The following FABP12 variants were observed in gnomAD, a reference collection of about 807,000 sequenced individuals.
FABP12 encodes the protein fatty acid binding protein 12, also known as fatty acid-binding protein 12.
FABP12 carries 19 observed loss-of-function variants against 13.7 expected under a neutral mutation model. That is an observed-to-expected ratio of 1.39 (90% confidence interval 0.97 to 2.04). FABP12 has a LOEUF of 2.04. FABP12 is among the 30% of genes most tolerant of loss of function. The pLI is 0.00. For synonymous variants in FABP12, 61 were observed against 57.0 expected, an observed-to-expected ratio of 1.07 and a Z score of -0.32; for missense variants, 182 against 164.2, an observed-to-expected ratio of 1.11 and a Z score of -0.59.
chr8:81,577,686 G>C (rs1050594952), intron 1 of FABP12, among the ~76,000 whole-genome samples: 1 of 152,156 alleles, frequency 6.6e-6, no homozygotes, highest in South Asian at 2.1e-4. Context: ...GCTTGAACCC[G>C]GGAGGTGGAG....
chr8:81,545,554 A>G (rs1169427288), intron 1 of FABP12, among the ~76,000 whole-genome samples: 1 of 152,214 alleles, frequency 6.6e-6, no homozygotes, highest in African/African-American at 2.4e-5. Flanking sequence ...GATATAAATA[A>G]TCCTGCAGTT....
chr8:81,540,196 G>T (rs1809313495), intron 1 of FABP12, among the ~76,000 whole-genome samples: 1 of 152,200 alleles, frequency 6.6e-6, no homozygotes, highest in South Asian at 2.1e-4. Context: ...CTTGGCCCCA[G>T]CCCCAGGCCT....
intron 1 of FABP12, among the ~76,000 whole-genome samples, chr8:81,588,947 C>T (rs1810282744): frequency 6.6e-6 from 1 of 152,120 alleles, no homozygotes; most frequent in African/African-American, 2.4e-5. Context: ...AGGCTTGAAC[C>T]CACTTCAATA....
chr8:81,583,776 T>G (rs1054875882), intron 1 of FABP12, among the ~76,000 whole-genome samples: 1 of 152,102 alleles, frequency 6.6e-6, no homozygotes, highest in Non-Finnish European at 1.5e-5. Context: ...AAAGAAAAAC[T>G]AACACTAGTT....
chr8:81,543,615 C>T (rs953123965), intron 1 of FABP12, among the ~76,000 whole-genome samples: 4 of 152,122 alleles, frequency 2.6e-5, no homozygotes, highest in Non-Finnish European at 4.4e-5. Flanking sequence ...TATGTATACC[C>T]TGATCACAAA....
chr8:81,538,184 C>T (rs1043024660), upstream of FABP12, among the ~76,000 whole-genome samples: 8 of 152,086 alleles, frequency 5.3e-5, no homozygotes, highest in South Asian at 4.1e-4. Flanking sequence ...CTCATTATTA[C>T]GAGGGCAGCA....
At chr8:81,581,975 A>C (rs1055875859) in intron 1 of FABP12, among the ~76,000 whole-genome samples, 15 of 152,156 alleles carry the variant, frequency 9.9e-5, no homozygotes, top group Admixed American at 9.8e-4. Flanking sequence ...ACACTGAAAC[A>C]AGGAGAGAAA....
intron 1 of FABP12, among the ~76,000 whole-genome samples, chr8:81,555,818 A>G (rs1330943938): frequency 1.3e-5 from 2 of 152,240 alleles, no homozygotes; most frequent in Non-Finnish European, 2.9e-5. Flanking sequence ...AAATAATTTT[A>G]TACCTAGAGA....
chr8:81,532,637 A>G (rs1202450423), intron 1 of FABP12, among the ~76,000 whole-genome samples: 2 of 152,214 alleles, frequency 1.3e-5, no homozygotes, highest in Non-Finnish European at 2.9e-5. Context: ...CCGGGCCAAT[A>G]TGGTGAAACC....
At chr8:81,582,152 T>G (rs1810174156) in intron 1 of FABP12, among the ~76,000 whole-genome samples, 1 of 135,968 alleles carries the variant, frequency 7.4e-6, no homozygotes, top group Non-Finnish European at 1.5e-5. Flanking sequence ...AGATGGAGTC[T>G]CGCTCTGTCA....
At chr8:81,579,630 C>T (rs1810123582) in intron 1 of FABP12, among the ~76,000 whole-genome samples, 1 of 152,142 alleles carries the variant, frequency 6.6e-6, no homozygotes, top group South Asian at 2.1e-4. Context: ...TGGCATGTCA[C>T]TAGTGTAATG....
At chr8:81,526,335 AG>A (rs1417221653) in intron 4 of FABP12, 1 of 152,162 alleles carries the variant, frequency 6.6e-6, no homozygotes, top group Non-Finnish European at 1.5e-5. Flanking sequence ...GAAGTGGGGA[AG>A]GTGACCTGGG....
rs923878213 is a variant in FABP12 at position 81,525,135 on chromosome 8, A to T, written c.349-15T>A. ...ACAGTACTTTCCTACAAGACAAAAG[A>T]AATATGAGGTATTTCAGTATAGTTA... is the stretch of plus-strand genomic sequence containing the variant. On this transcript the variant is annotated splice_polypyrimidine_tract_variant and intron_variant, in intron 4 of 4. Coordinates refer to ENST00000360464, the Ensembl canonical transcript of FABP12. 1.3e-6 allele frequency: 2 copies of T among 1,503,768 alleles called. No homozygotes were observed. Among genetic ancestry groups the T allele is most frequent in the Non-Finnish European group, 1.8e-6 (2 of 1,094,022 alleles). 93.2% of individuals were successfully genotyped at this position (1,503,768 alleles called of 1,614,324 possible).
chr8:81,577,359 T>A (rs569450462), intron 1 of FABP12, among the ~76,000 whole-genome samples: 1 of 152,316 alleles, frequency 6.6e-6, no homozygotes, highest in South Asian at 2.1e-4. Context: ...CCCAAGAATA[T>A]GTTGTATTAA....
chr8:81,540,345 C>T (rs1170926711), intron 1 of FABP12, among the ~76,000 whole-genome samples: 1 of 152,228 alleles, frequency 6.6e-6, no homozygotes, highest in Non-Finnish European at 1.5e-5. Flanking sequence ...AAAATAGTAA[C>T]TTCAGCAAAC....
rs763089399 is a variant in FABP12 at position 81,578,823 on chromosome 8, G to GTTTTTT, written c.-185+11224_-185+11229dup. On this transcript the variant is annotated intron_variant, in intron 1 of 5. Transcript: ENST00000692030. ...TACAGAATCTGACACATTTGTTCAA[G>GTTTTTT]TTTTTTTTTTTTTTTTTTTGAGAAG... Among the ~76,000 whole-genome samples, 68 of 105,592 alleles carry GTTTTTT rather than the reference G, an allele frequency of 6.4e-4. 26 individuals are homozygous for GTTTTTT. The highest frequency in any genetic ancestry group is 0.014 in the Middle Eastern group (2 of 146). 69.3% of individuals were successfully genotyped at this position (105,592 alleles called of 152,430 possible). A position where few individuals can be genotyped will look rare whatever the true frequency, so the allele number is the denominator to read the frequency against.
chr8:81,569,127 C>T (rs1447724735), intron 1 of FABP12, among the ~76,000 whole-genome samples: 1 of 152,022 alleles, frequency 6.6e-6, no homozygotes. Context: ...TTGTAACACA[C>T]ACAAAAAATA....
At chr8:81,572,493 A>C (rs1809950942) in intron 1 of FABP12, among the ~76,000 whole-genome samples, 1 of 152,190 alleles carries the variant, frequency 6.6e-6, no homozygotes, top group Non-Finnish European at 1.5e-5. Flanking sequence ...GCTGGATCAA[A>C]TGGTAGTTTT....
chr8:81,546,000 G>T (rs537196990), intron 1 of FABP12, among the ~76,000 whole-genome samples: 1 of 152,298 alleles, frequency 6.6e-6, no homozygotes, highest in East Asian at 1.9e-4. Flanking sequence ...TCACAATTTA[G>T]TGGAAGGTTG....
Sources: gnomAD v4.1 joint callset for allele counts (sites outside exome capture counted in the v4.1 genomes callset) on GRCh38, gnomAD v4.1.1 for gene constraint, MANE v1.5 for transcripts, NCBI Gene and HGNC (gene_info 2026-07-23, HGNC 2026-07-21) for gene names.